The following PTPRO variants were observed in gnomAD, a reference collection of about 807,000 sequenced individuals.
PTPRO encodes protein tyrosine phosphatase receptor type O.
PTPRO carries 62 observed loss-of-function variants against 145.2 expected under a neutral mutation model. The observed-to-expected ratio is 0.43, with a 90% CI of 0.35 to 0.53. PTPRO has a LOEUF of 0.53. Ranked by LOEUF, PTPRO falls within the 20% of genes least tolerant of loss-of-function variation. PTPRO has a pLI of 0.01. For missense variants in PTPRO, 1,345 were observed against 1,482.7 expected (o/e 0.91, Z 1.53); for synonymous variants, 565 against 514.7 (o/e 1.10, Z -1.32).
At chr12:15,587,290 G>A in intron 24 of PTPRO, 2 of 512,798 alleles carry the variant, frequency 3.9e-6, no homozygotes, top group South Asian at 2.1e-5. Flanking sequence ...ATAGAGAAGG[G>A]TAGAGATGTT....
At chr12:15,560,426 A>C in intron 17 of PTPRO, 150 bp downstream of exon 17, 1 of 674,672 alleles carries the variant, frequency 1.5e-6, no homozygotes. Flanking sequence ...TAAAGCAGTT[A>C]CCGGTACAAA....
intron 1 of PTPRO, chr12:15,410,655 A>T (rs1939773661): frequency 6.6e-6 from 1 of 152,226 alleles, no homozygotes. Context: ...AAATTTCTTT[A>T]AAAATATGGA....
chr12:15,571,208 A>G (rs1178803079), intron 19 of PTPRO, among the ~76,000 whole-genome samples: 1 of 152,200 alleles, frequency 6.6e-6, no homozygotes, highest in African/African-American at 2.4e-5. Flanking sequence ...ACAAAGAGAA[A>G]CAAAGAGAAA....
intron 5 of PTPRO, among the ~76,000 whole-genome samples, 165 bp from the exon 6 acceptor site, chr12:15,503,743 A>G (rs192459866): frequency 6.6e-6 from 1 of 152,244 alleles, no homozygotes; most frequent in African/African-American, 2.4e-5. Context: ...CTGAACTCTT[A>G]TTTATTATTC....
At chr12:15,516,109 G>C (rs1452460483) in intron 8 of PTPRO, among the ~76,000 whole-genome samples, 2 of 148,828 alleles carry the variant, frequency 1.3e-5, no homozygotes, top group Non-Finnish European at 3.0e-5. Flanking sequence ...TCCTGCCTCA[G>C]CCTCCTGAGC....
chr12:15,325,260 CA>C (rs1411217785), intron 1 of PTPRO, among the ~76,000 whole-genome samples: 1 of 152,136 alleles, frequency 6.6e-6, no homozygotes, highest in Non-Finnish European at 1.5e-5. Flanking sequence ...TTCCACAACT[CA>C]AAAATAAGCA....
intron 15 of PTPRO, among the ~76,000 whole-genome samples, chr12:15,555,163 G>C (rs896683264): frequency 2.0e-5 from 3 of 152,052 alleles, no homozygotes; most frequent in Admixed American, 6.6e-5. Flanking sequence ...GCTTGGACTT[G>C]GGGGGCGGAG....
Position 15,370,043 on chromosome 12 carries a change from C to T in PTPRO, c.75+47242C>T, listed in dbSNP as rs542794380. ...CTCCAGCCTGGGCAACAGAGCAAGA[C>T]TCCATCTCAAAAAAAATTTTAAAAA... On this transcript the variant is annotated intron_variant, in intron 1 of 26. Coordinates refer to ENST00000281171, the MANE Select transcript of PTPRO (RefSeq NM_030667.3). Among the ~76,000 whole-genome samples, 10 of 135,272 alleles carry T rather than the reference C, an allele frequency of 7.4e-5. No individual in the cohort carries two copies. In the South Asian group the frequency reaches 2.1e-3, roughly 28 times the overall value. 88.7% of individuals were successfully genotyped at this position (135,272 alleles called of 152,430 possible). A position where few individuals can be genotyped will look rare whatever the true frequency, so the allele number is the denominator to read the frequency against.
At chr12:15,488,407 T>C (rs568436798) in intron 2 of PTPRO, among the ~76,000 whole-genome samples, 6 of 152,288 alleles carry the variant, frequency 3.9e-5, no homozygotes, top group African/African-American at 1.4e-4. Context: ...TCCACCTTCA[T>C]AAAAGAGGGA....
At chr12:15,355,498 T>C (rs537507500) in intron 1 of PTPRO, among the ~76,000 whole-genome samples, 20 of 149,758 alleles carry the variant, frequency 1.3e-4, no homozygotes, top group African/African-American at 4.6e-4. Flanking sequence ...ATGCAATGCT[T>C]GGTGAGGCCT....
At chr12:15,444,666 T>G (rs1200383570) in intron 1 of PTPRO, among the ~76,000 whole-genome samples, 2 of 151,890 alleles carry the variant, frequency 1.3e-5, no homozygotes, top group African/African-American at 4.8e-5. Context: ...TTTGTTCCCT[T>G]ATAAAGGAGG....
chr12:15,546,350 A>C lies in PTPRO; in HGVS notation c.2165-219A>C, dbSNP rs999052977. Reference sequence around the variant, plus strand: ...TAGAAAACAGAAGTGTTCTGAAAAGAGAAGTAAAAAAATGGAAGGGGGAAA... The same window carrying C: ...TAGAAAACAGAAGTGTTCTGAAAAGCGAAGTAAAAAAATGGAAGGGGGAAA... On this transcript the variant is annotated intron_variant, in intron 12 of 26. Coordinates refer to ENST00000281171, the MANE Select transcript of PTPRO (RefSeq NM_030667.3). 7.9e-6 allele frequency: 11 copies of C among 1,390,812 alleles called. No individual in the cohort carries two copies. The African/African-American group carries it at 1.6e-4, about 20-fold the overall frequency. The allele number at this position is 1,390,812 out of a possible 1,614,324, so 86.2% of individuals were successfully genotyped here.
chr12:15,486,087 T>G (rs934206194), intron 2 of PTPRO, among the ~76,000 whole-genome samples: 1 of 152,186 alleles, frequency 6.6e-6, no homozygotes, highest in African/African-American at 2.4e-5. Flanking sequence ...TCTATGTCCT[T>G]ACTGATTTTC....
intron 1 of PTPRO, among the ~76,000 whole-genome samples, chr12:15,330,912 T>C (rs371668496): frequency 1.7e-4 from 26 of 152,148 alleles, no homozygotes; most frequent in Non-Finnish European, 3.1e-4. Flanking sequence ...ATGACTGATA[T>C]AAGACATGGT....
In PTPRO at chr12:15,524,888, G is replaced by T. The variant is rs766908707; in HGVS notation, c.1966G>T (p.Asp656Tyr). The change falls in exon 11 of 27, where the codon GAT becomes TAT. Residue 656 changes from aspartate (D) to tyrosine (Y), a missense_variant. By Grantham distance (160) the Asp-to-Tyr change is radical. Coordinates refer to ENST00000281171, the MANE Select transcript of PTPRO (RefSeq NM_030667.3). Reference protein sequence around the residue: ...LLYISWTYGDDTTDLSHSRML... With the variant: ...LLYISWTYGDYTTDLSHSRML... Reference sequence around the variant, plus strand: ...ATATATCAGTTGGACATATGGGGATGATACAACGGACTTGTCCCATTCTAG... The same window carrying T: ...ATATATCAGTTGGACATATGGGGATTATACAACGGACTTGTCCCATTCTAG... 1.2e-6 allele frequency: 2 copies of T among 1,613,488 alleles called. No individual in the cohort carries two copies. Among genetic ancestry groups the T allele is most frequent in the Non-Finnish European group, 1.7e-6 (2 of 1,179,438 alleles).
At chr12:15,435,219 A>G (rs562940375) in intron 1 of PTPRO, among the ~76,000 whole-genome samples, 42 of 152,324 alleles carry the variant, frequency 2.8e-4, no homozygotes, top group African/African-American at 9.1e-4. Context: ...TATCAAAAAT[A>G]TGACAGATCT....
intron 1 of PTPRO, among the ~76,000 whole-genome samples, chr12:15,333,118 T>A (rs968245153): frequency 6.6e-6 from 1 of 152,178 alleles, no homozygotes; most frequent in Non-Finnish European, 1.5e-5. Context: ...TGAACCATGG[T>A]AAGGAGTTGG....
At chr12:15,487,193 C>G (rs1941906435) in intron 2 of PTPRO, among the ~76,000 whole-genome samples, 2 of 152,114 alleles carry the variant, frequency 1.3e-5, no homozygotes, top group Non-Finnish European at 2.9e-5. Context: ...CTTAGGCAGA[C>G]CCTGTGATGT....
chr12:15,447,056 A>T (rs1474190916), intron 1 of PTPRO, among the ~76,000 whole-genome samples: 1 of 152,118 alleles, frequency 6.6e-6, no homozygotes, highest in East Asian at 1.9e-4. Flanking sequence ...TTGCTTACAG[A>T]AGCCTACATT....
Sources: allele counts gnomAD v4.1 joint callset (sites outside exome capture counted in the v4.1 genomes callset), GRCh38; gene constraint gnomAD v4.1.1; transcripts MANE v1.5; gene names NCBI Gene and HGNC (gene_info 2026-07-23, HGNC 2026-07-21).